PCDHGA5: variants seen among roughly 807,000 people sequenced by gnomAD.
PCDHGA5 encodes the protein protocadherin gamma-A5.
In PCDHGA5, 36 loss-of-function variants were observed where a neutral mutation model predicts 56.7. That is an observed-to-expected ratio of 0.64 (90% CI 0.49 to 0.84). The LOEUF (loss-of-function observed/expected upper bound fraction) is 0.84. Ranked by LOEUF, PCDHGA5 falls within the 40% of genes least tolerant of loss-of-function variation. PCDHGA5 has a pLI of 0.00. For missense variants in PCDHGA5, 1,305 were observed against 1,201.5 expected (o/e 1.09, Z -1.27); for synonymous variants, 563 against 520.2 (o/e 1.08, Z -1.12).
chr5:141,427,103 G>A (rs1216465844), intron 1 of PCDHGA5: 3 of 457,888 alleles, frequency 6.6e-6, no homozygotes, highest in Non-Finnish European at 1.3e-5. Flanking sequence ...GTGTCAATGC[G>A]GAGATCACCT....
At chr5:141,455,020 G>A (rs201196115) in intron 1 of PCDHGA5, among the ~76,000 whole-genome samples, 1 of 151,166 alleles carries the variant, frequency 6.6e-6, no homozygotes, top group African/African-American at 2.4e-5. Context: ...CACCGTGTTA[G>A]CCAGGATGGT....
chr5:141,366,537 C>A lies in PCDHGA5; in HGVS notation c.2207C>A (p.Pro736His), dbSNP rs1163032115. 1 of 1,614,132 alleles carries A rather than the reference C, an allele frequency of 6.2e-7. No individual in the cohort carries two copies. Among genetic ancestry groups the A allele is most frequent in the African/African-American group, 1.3e-5 (1 of 74,950 alleles). Residue 736 changes from proline (P) to histidine (H), a missense_variant, in exon 1 of 4, where the codon CCC becomes CAC. Coordinates refer to ENST00000518069, the MANE Select transcript of PCDHGA5 (RefSeq NM_018918.3). ...QAEGSRLAGV[P>H]ASHFVGVDGV... Reference sequence around the variant, plus strand: ...GAAGGCAGCAGGTTGGCGGGTGTGCCCGCCTCGCACTTTGTGGGCGTGGAT... The same window carrying A: ...GAAGGCAGCAGGTTGGCGGGTGTGCACGCCTCGCACTTTGTGGGCGTGGAT...
intron 1 of PCDHGA5, chr5:141,418,509 G>T: frequency 6.2e-7 from 1 of 1,613,986 alleles, no homozygotes; most frequent in Non-Finnish European, 8.5e-7. Flanking sequence ...GCCTTAGATG[G>T]TGGGGACCCT....
chr5:141,365,657 G>A lies in PCDHGA5; in HGVS notation c.1327G>A (p.Ala443Thr), dbSNP rs79266084. 0.026 allele frequency: 42,341 copies of A among 1,613,360 alleles called. 713 individuals carry two copies. The highest frequency in any genetic ancestry group is 0.041 in the East Asian group (1,842 of 44,874). Reference sequence around the variant, plus strand: ...AGAAAGCCACATCCCCTTGAAAGTAGCAGACGTTAATGACAACCCACCCAA... The same window carrying A: ...AGAAAGCCACATCCCCTTGAAAGTAACAGACGTTAATGACAACCCACCCAA... ...STESHIPLKVADVNDNPPNFP... is the reference protein window; with the variant it reads ...STESHIPLKVTDVNDNPPNFP... Residue 443 changes from alanine to threonine, a missense_variant, in exon 1 of 4, where the codon GCA (alanine) becomes ACA (threonine). Physicochemically the swap from Ala to Thr is moderately conservative, Grantham distance 58. Transcript: ENST00000518069.
At chr5:141,374,838 C>G (rs772961429) in intron 1 of PCDHGA5, 7 of 1,613,846 alleles carry the variant, frequency 4.3e-6, no homozygotes, top group Non-Finnish European at 5.9e-6. Context: ...GTAAGTGTTC[C>G]TGAAAACCTG....
At chr5:141,375,018 C>T (rs754559115) in intron 1 of PCDHGA5, 7 of 1,613,982 alleles carry the variant, frequency 4.3e-6, no homozygotes, top group Non-Finnish European at 4.2e-6. Flanking sequence ...TATGAGGACT[C>T]GAGTTTTTAT....
chr5:141,380,340 TG>T (rs1383873697), intron 1 of PCDHGA5, among the ~76,000 whole-genome samples: 2 of 152,164 alleles, frequency 1.3e-5, no homozygotes, highest in Non-Finnish European at 2.9e-5. Flanking sequence ...TTCAAAGAAC[TG>T]TTTTGTTGTT....
At chr5:141,410,849 CTTTTTTTTTTTT>C (rs759346998) in intron 1 of PCDHGA5, 1 of 129,786 alleles carries the variant, frequency 7.7e-6, no homozygotes, top group East Asian at 2.3e-4. Flanking sequence ...TTGTCTTTGT[CTTTTTTTTTTTT>C]TTTTTTTTTT....
Position 141,408,360 on chromosome 5 carries a change from A to G in PCDHGA5, c.2421+41609A>G, listed in dbSNP as rs373951875. 2.4e-5 allele frequency: 38 copies of G among 1,613,808 alleles called. No homozygotes were observed. In the African/African-American group the frequency reaches 3.7e-4, roughly 16 times the overall value. ...TCGGTGGTGGGGAACCTCGCTAAGG[A>G]TCTAGGGCTCAGTGTCCTGGATGTG... On this transcript the variant is annotated intron_variant, in intron 1 of 3. Coordinates refer to ENST00000518069, the MANE Select transcript of PCDHGA5 (RefSeq NM_018918.3).
intron 1 of PCDHGA5, among the ~76,000 whole-genome samples, chr5:141,481,223 A>C (rs935737972): frequency 3.3e-5 from 5 of 152,242 alleles, no homozygotes; most frequent in Non-Finnish European, 7.3e-5. Context: ...AAGGTCTCCC[A>C]GCCTTAAAGT....
Position 141,477,203 on chromosome 5 carries a change from G to A in PCDHGA5, c.2422-17604G>A. The A allele has an allele frequency of 6.2e-7, 1 of 1,614,176 alleles. No individual in the cohort carries two copies. The highest frequency in any genetic ancestry group is 8.5e-7 in the Non-Finnish European group (1 of 1,180,050). ...CACCTCCGTGTACAGCCCAGTACCC[G>A]AGGATGCCCCTCTGGGGACTGTCAT... On this transcript the variant is annotated intron_variant, in intron 1 of 3. Coordinates refer to ENST00000518069, the MANE Select transcript of PCDHGA5 (RefSeq NM_018918.3). This position sits in a 1 kb window ranked among gnomAD's most constrained non-coding sequence, Gnocchi z 4.9.
At chr5:141,402,753 A>G (rs914241458) in intron 1 of PCDHGA5, among the ~76,000 whole-genome samples, 8 of 152,326 alleles carry the variant, frequency 5.3e-5, no homozygotes, top group Admixed American at 5.2e-4. Context: ...CTCTAAGCGA[A>G]AATCAGGACT....
intron 1 of PCDHGA5, chr5:141,393,983 A>T: frequency 1.9e-6 from 3 of 1,613,710 alleles, no homozygotes; most frequent in Non-Finnish European, 2.5e-6. Context: ...GTGATAATTT[A>T]CCTTTTAAAT....
In PCDHGA5 at chr5:141,491,867, T is replaced by A. The variant is rs1424221139; in HGVS notation, c.2422-2940T>A. On this transcript the variant is annotated intron_variant, in intron 1 of 3. Transcript: ENST00000518069. The surrounding 1 kb of genome is among the most constrained non-coding windows in gnomAD (Gnocchi z 6.9). ...TTGGACCGTTTGCGCGAAACCAGAG[T>A]GGCCGATTAAGGGATGGGGCTCCGA... 6.9e-7 allele frequency: 1 copy of A among 1,452,218 alleles called. No homozygotes were observed. The highest frequency in any genetic ancestry group is 9.1e-7 in the Non-Finnish European group (1 of 1,099,056). The allele number at this position is 1,452,218 out of a possible 1,614,324, so 90.0% of individuals were successfully genotyped here. A position where few individuals can be genotyped will look rare whatever the true frequency, so the allele number is the denominator to read the frequency against.
At chr5:141,409,745 T>G (rs968473065) in intron 1 of PCDHGA5, 9 of 1,613,074 alleles carry the variant, frequency 5.6e-6, no homozygotes, top group Non-Finnish European at 7.6e-6. Flanking sequence ...CGGGGTGGTG[T>G]TCGCGCAGCG....
chr5:141,372,402 G>C, intron 1 of PCDHGA5: 1 of 1,614,058 alleles, frequency 6.2e-7, no homozygotes, highest in Non-Finnish European at 8.5e-7. Context: ...TAGCTTGCAA[G>C]AGATACAACC....
chr5:141,404,214 C>A, intron 1 of PCDHGA5: 1 of 1,613,562 alleles, frequency 6.2e-7, no homozygotes, highest in Non-Finnish European at 8.5e-7. Flanking sequence ...TATAATATCA[C>A]GGTGACTGCA....
Position 141,487,424 on chromosome 5 carries a change from C to T in PCDHGA5, c.2422-7383C>T, listed in dbSNP as rs759893122. 5 of 1,613,982 alleles carry T rather than the reference C, an allele frequency of 3.1e-6. No individual in the cohort carries two copies. The highest frequency in any genetic ancestry group is 1.7e-5 in the Admixed American group (1 of 60,000). On this transcript the variant is annotated intron_variant, in intron 1 of 3. Transcript: ENST00000518069. The surrounding 1 kb of genome is among the most constrained non-coding windows in gnomAD (Gnocchi z 5.0). ...GCTTCCCCCTTCCAATGGGATCCTC[C>T]GAATCCAGCTAGGGTCAGATGACCC...
intron 1 of PCDHGA5, chr5:141,417,091 A>G (rs1345871347): frequency 6.6e-6 from 1 of 152,194 alleles, no homozygotes; most frequent in Non-Finnish European, 1.5e-5. Flanking sequence ...TTTTGATTAT[A>G]ATTATTTAAA....
Sources: gnomAD v4.1 joint callset for allele counts (sites outside exome capture counted in the v4.1 genomes callset) on GRCh38, gnomAD v4.1.1 for gene constraint, Gnocchi (gnomAD v3.1) non-coding constraint, MANE v1.5 for transcripts, NCBI Gene and HGNC (gene_info 2026-07-23, HGNC 2026-07-21) for gene names.